The following IGF2R variants were observed in gnomAD, a reference collection of about 807,000 sequenced individuals.
IGF2R encodes insulin like growth factor 2 receptor.
A neutral mutation model predicts 270.6 loss-of-function variants in IGF2R; 91 were observed. That is an observed-to-expected ratio of 0.34 (90% CI 0.28 to 0.40). IGF2R has a LOEUF of 0.40. Ranked by LOEUF, IGF2R falls within the 10% of genes least tolerant of loss-of-function variation. The pLI is 1.00. For missense variants in IGF2R, 2,805 were observed against 3,188.3 expected (o/e 0.88, Z 2.90); for synonymous variants, 1,316 against 1,258.9 (o/e 1.05, Z -0.96).
intron 44 of IGF2R, among the ~76,000 whole-genome samples, chr6:160,092,758 G>C (rs893874273): frequency 6.6e-6 from 1 of 152,284 alleles, no homozygotes; most frequent in African/African-American, 2.4e-5. Flanking sequence ...CCGGAGCGGA[G>C]CCGCACCGCC....
At chr6:160,103,181 T>C (rs551357587) in intron 46 of IGF2R, among the ~76,000 whole-genome samples, 22 of 152,148 alleles carry the variant, frequency 1.4e-4, no homozygotes, top group Non-Finnish European at 2.6e-4. Context: ...GCTCAGGCGT[T>C]CCCTGCTGCC....
intron 45 of IGF2R, among the ~76,000 whole-genome samples, chr6:160,101,128 A>G (rs1342840650): frequency 6.6e-6 from 1 of 151,964 alleles, no homozygotes; most frequent in African/African-American, 2.4e-5. Context: ...AATTAACTAC[A>G]TACATGATGC....
At chr6:160,053,392 A>G (rs570595367) in intron 19 of IGF2R, among the ~76,000 whole-genome samples, 10 of 152,250 alleles carry the variant, frequency 6.6e-5, no homozygotes, top group South Asian at 2.1e-4. Context: ...GTGCACATGT[A>G]CCCTAGAACT....
At position 160,060,573 on chromosome 6, in the gene IGF2R, T is replaced by C. The variant is rs774545193; in HGVS notation, c.3118T>C (p.Phe1040Leu). 5 of 1,614,296 alleles carry C rather than the reference T, an allele frequency of 3.1e-6. No individual in the cohort carries two copies. In the South Asian group the frequency reaches 4.4e-5, roughly 14 times the overall value. ...TACCGCTGATGCTTTTATCGTCCGCTTTGTTTGCAATGATGATGTTTACTC... is the reference window on the plus strand; with the variant it reads ...TACCGCTGATGCTTTTATCGTCCGCCTTGTTTGCAATGATGATGTTTACTC... ...KGTADAFIVR[F>L]VCNDDVYSGP... Residue 1040 changes from phenylalanine to leucine, a missense_variant, in exon 23 of 48, where the codon TTT (phenylalanine) becomes CTT (leucine). Physicochemically the swap from Phe to Leu is conservative, Grantham distance 22. Coordinates refer to ENST00000356956, the MANE Select transcript of IGF2R (RefSeq NM_000876.4).
chr6:160,012,979 G>A (rs953621654), intron 4 of IGF2R, among the ~76,000 whole-genome samples: 1 of 151,810 alleles, frequency 6.6e-6, no homozygotes, highest in African/African-American at 2.4e-5. Context: ...GTTGCTTCCT[G>A]TGGGAGGTGG....
intron 43 of IGF2R, 107 bp from the exon 44 acceptor site, chr6:160,089,809 A>G (rs1284022365): frequency 1.4e-6 from 1 of 708,200 alleles, no homozygotes; most frequent in Non-Finnish European, 2.2e-6. Flanking sequence ...TTCCCTAGGA[A>G]AGGAAGCATC....
chr6:159,975,117 C>T (rs989042917), intron 1 of IGF2R, among the ~76,000 whole-genome samples: 9 of 152,124 alleles, frequency 5.9e-5, no homozygotes, highest in Admixed American at 1.3e-4. Context: ...GCTCAGTTCC[C>T]GAGACCGCTC....
At chr6:159,976,762 T>C (rs1053903754) in intron 1 of IGF2R, among the ~76,000 whole-genome samples, 1 of 152,196 alleles carries the variant, frequency 6.6e-6, no homozygotes. Context: ...TTCAGGTCCA[T>C]GGACTTTGGG....
chr6:159,997,492 C>G (rs986123217), intron 2 of IGF2R, among the ~76,000 whole-genome samples: 1 of 152,130 alleles, frequency 6.6e-6, no homozygotes, highest in African/African-American at 2.4e-5. Context: ...AAATTGCTGC[C>G]CGCACCAGTG....
intron 37 of IGF2R, among the ~76,000 whole-genome samples, chr6:160,078,899 C>T (rs1040568605): frequency 2.0e-5 from 3 of 152,250 alleles, no homozygotes; most frequent in Non-Finnish European, 4.4e-5. Context: ...ATTCTTTGGG[C>T]TGCTGGTCTT....
At position 160,044,499 on chromosome 6, in the gene IGF2R, C is replaced by T. The variant is rs756556862; in HGVS notation, c.1622-15C>T. On this transcript the variant is annotated splice_polypyrimidine_tract_variant and intron_variant, in intron 12 of 47. Transcript: ENST00000356956. ...TTTAACCACATCTTCTGTTTTCTCCCCCTTTCTCTTCCAGATAAAAATGGA... is the reference window on the plus strand; with the variant it reads ...TTTAACCACATCTTCTGTTTTCTCCTCCTTTCTCTTCCAGATAAAAATGGA... 1.8e-5 allele frequency: 29 copies of T among 1,585,886 alleles called. No individual in the cohort carries two copies. The highest frequency in any genetic ancestry group is 1.9e-4 in the Middle Eastern group (1 of 5,202).
intron 34 of IGF2R, 103 bp from the exon 35 acceptor site, chr6:160,073,654 C>CT (rs1219258416): frequency 2.6e-6 from 3 of 1,171,060 alleles, no homozygotes; most frequent in Non-Finnish European, 2.4e-6. Context: ...CACCTTTCTA[C>CT]TTTTTTTGTT....
chr6:160,106,212 G>T lies in IGF2R; in HGVS notation c.*1128G>T. The T allele has an allele frequency of 6.5e-6, 1 of 152,902 alleles. No homozygotes were observed. Among genetic ancestry groups the T allele is most frequent in the Non-Finnish European group, 1.5e-5 (1 of 68,254 alleles). 9.5% of individuals were successfully genotyped at this position (152,902 alleles called of 1,614,324 possible). Reference sequence around the variant, plus strand: ...CGGGTACAGCGCGGAGGAGGAGGGAGGCCAGGCGGGCATGGCGTGGAGGAG... The same window carrying T: ...CGGGTACAGCGCGGAGGAGGAGGGATGCCAGGCGGGCATGGCGTGGAGGAG... On this transcript the variant is annotated 3_prime_UTR_variant, in exon 48 of 48. Coordinates refer to ENST00000356956, the MANE Select transcript of IGF2R (RefSeq NM_000876.4).
intron 31 of IGF2R, among the ~76,000 whole-genome samples, chr6:160,071,639 G>T (rs1562367256): frequency 6.6e-6 from 1 of 152,146 alleles, no homozygotes; most frequent in Non-Finnish European, 1.5e-5. Context: ...CCCCTGTCCT[G>T]TTCCTCAGCC....
At chr6:160,051,436 G>A (rs1029403499) in intron 19 of IGF2R, among the ~76,000 whole-genome samples, 1 of 152,144 alleles carries the variant, frequency 6.6e-6, no homozygotes, top group African/African-American at 2.4e-5. Context: ...TCCAGAGAAA[G>A]TCTCTCCCTG....
At chr6:160,029,798 G>A in intron 7 of IGF2R, 143 bp downstream of exon 7, 1 of 609,962 alleles carries the variant, frequency 1.6e-6, no homozygotes, top group South Asian at 1.9e-5. Flanking sequence ...GTTCTCAGGA[G>A]AAGACAAGCT....
chr6:160,032,917 T>C (rs1354984894), intron 8 of IGF2R, 25 bp from the exon 9 acceptor site: 6 of 1,557,866 alleles, frequency 3.9e-6, no homozygotes, highest in Middle Eastern at 1.7e-4. Context: ...AACAAGCCTC[T>C]TCTTGTTAAT....
intron 1 of IGF2R, among the ~76,000 whole-genome samples, chr6:159,980,239 G>GAAAGGAAAGAAAGGAAA (rs1562330724): frequency 6.9e-6 from 1 of 145,768 alleles, no homozygotes; most frequent in African/African-American, 2.6e-5. Flanking sequence ...AAGAAAGAAA[G>GAAAGGAAAGAAAGGAAA]GTACATGGAA....
Position 160,033,008 on chromosome 6 carries a change from T to C in IGF2R, c.1112T>C (p.Ile371Thr), listed in dbSNP as rs1274257871. The C allele has an allele frequency of 2.5e-6, 4 of 1,606,018 alleles. No individual in the cohort carries two copies. The South Asian group carries it at 3.3e-5, about 13-fold the overall frequency. ...TTGAATGTCTGTGGAGAAACTGAAA[T>C]ACAGTTCTGTAATAAAAAACAAGCT... Reference protein sequence around the residue: ...FYLNVCGETEIQFCNKKQAAV... With the variant: ...FYLNVCGETETQFCNKKQAAV... Residue 371 changes from isoleucine (I) to threonine (T), a missense_variant, in exon 9 of 48, where the codon ATA becomes ACA. Physicochemically the swap from Ile to Thr is moderately conservative, Grantham distance 89. Transcript: ENST00000356956.
Sources: gnomAD v4.1 joint callset for allele counts (sites outside exome capture counted in the v4.1 genomes callset) on GRCh38, gnomAD v4.1.1 for gene constraint, MANE v1.5 for transcripts, NCBI Gene and HGNC (gene_info 2026-07-23, HGNC 2026-07-21) for gene names.